ZNF782: variants seen among roughly 807,000 people sequenced by gnomAD.
The protein encoded by ZNF782 is zinc finger protein 782.
ZNF782 carries 12 observed loss-of-function variants against 13.0 expected under a neutral mutation model. That is an observed-to-expected ratio of 0.92 (90% CI 0.59 to 1.50). ZNF782 has a LOEUF of 1.50. ZNF782 is among the 40% of genes most tolerant of loss of function. ZNF782 has a pLI of 0.00. For missense variants in ZNF782, 770 were observed against 822.9 expected, an observed-to-expected ratio of 0.94 and a Z score of 0.79; for synonymous variants, 284 against 283.0, an observed-to-expected ratio of 1.00 and a Z score of -0.04.
chr9:96,865,257 C>T lies in ZNF782; in HGVS notation c.-456-3654G>A, dbSNP rs150943097. Among the ~76,000 whole-genome samples the T allele has an allele frequency of 8.6e-3, 1,313 of 152,192 alleles. 25 individuals are homozygous for T. The highest frequency in any genetic ancestry group is 0.03 in the African/African-American group (1,234 of 41,518). ...TGGTATGGTTTGGCTGTGTCCCACC[C>T]AAATCTCATCTTGAATTCCCACATG... On this transcript the variant is annotated intron_variant, in intron 1 of 5. Coordinates refer to the ZNF782 transcript ENST00000498811.
chr9:96,867,580 C>T (rs1383456961), intron 1 of ZNF782, among the ~76,000 whole-genome samples: 1 of 152,198 alleles, frequency 6.6e-6, no homozygotes, highest in Non-Finnish European at 1.5e-5. Flanking sequence ...TTTAGTCTAG[C>T]CAAGATGTCT....
chr9:96,916,419 G>A, the ZNF782 span, among the ~76,000 whole-genome samples: 2 of 151,960 alleles, frequency 1.3e-5, no homozygotes, highest in African/African-American at 2.4e-5. Flanking sequence ...GAACCTGGAA[G>A]GCGGATTTGC....
chr9:96,836,666 G>C (rs1380769649), intron 4 of ZNF782, among the ~76,000 whole-genome samples: 3 of 152,142 alleles, frequency 2.0e-5, no homozygotes, highest in African/African-American at 4.8e-5. Context: ...TGGTTTGGGT[G>C]TGGTTCATCC....
chr9:96,854,569 G>A (rs1175562554), upstream of ZNF782: 1 of 152,270 alleles, frequency 6.6e-6, no homozygotes, highest in African/African-American at 2.4e-5. Flanking sequence ...GCTGCGCGGC[G>A]AACCAGACTC....
chr9:96,871,193 A>G (rs963599177), intron 1 of ZNF782, among the ~76,000 whole-genome samples: 2 of 152,204 alleles, frequency 1.3e-5, no homozygotes, highest in Non-Finnish European at 2.9e-5. Context: ...TAGCTTTAAC[A>G]TAGTATGCTT....
At chr9:96,917,472 C>G in the ZNF782 span, among the ~76,000 whole-genome samples, 3 of 151,574 alleles carry the variant, frequency 2.0e-5, no homozygotes, top group African/African-American at 7.3e-5. Flanking sequence ...AGCTCTGTGA[C>G]CTGGGCTGGA....
In ZNF782 at chr9:96,833,885, G is replaced by A. The variant is rs544749674; in HGVS notation, c.143-6704C>T. On this transcript the variant is annotated intron_variant, in intron 4 of 5. Transcript: ENST00000481138. ...ACTTTGGGTTATGAACCAATACTAT[G>A]TTGTTTATTTTATTACTCAAACTGT... Among the ~76,000 whole-genome samples, 27 of 152,232 alleles carry A rather than the reference G, an allele frequency of 1.8e-4. 1 individual carries two copies. The highest frequency in any genetic ancestry group is 6.8e-3 in the Middle Eastern group (2 of 294).
At chr9:96,842,271 C>G (rs1350597021) in intron 4 of ZNF782, among the ~76,000 whole-genome samples, 1 of 151,854 alleles carries the variant, frequency 6.6e-6, no homozygotes, top group Non-Finnish European at 1.5e-5. Context: ...TTAACTGTCA[C>G]AAAATTGATA....
Position 96,818,817 on chromosome 9 carries a change from G to A in ZNF782, c.1206C>T (p.Ala402=). 1 of 1,606,172 alleles carries A rather than the reference G, an allele frequency of 6.2e-7. No homozygotes were observed. The highest frequency in any genetic ancestry group is 8.5e-7 in the Non-Finnish European group (1 of 1,177,468). The change falls in exon 6 of 6, where the codon GCC becomes GCT. Residue 402 remains alanine, a synonymous_variant. Transcript: ENST00000481138. The part of the protein sequence containing the change: ...KPYECPECGK[A]FSEKSRLRKH... ...TTCTTAGGCGTGACTTCTCACTGAA[G>A]GCTTTCCCGCACTCAGGACATTCAT...
At chr9:96,868,991 G>A (rs140723536) in intron 1 of ZNF782, among the ~76,000 whole-genome samples, 4 of 152,018 alleles carry the variant, frequency 2.6e-5, no homozygotes, top group African/African-American at 4.8e-5. Flanking sequence ...TGACCTTTGC[G>A]CCTTGGCACA....
chr9:96,880,042 T>G (rs1851943995), upstream of ZNF782, among the ~76,000 whole-genome samples: 1 of 151,780 alleles, frequency 6.6e-6, no homozygotes, highest in African/African-American at 2.4e-5. Context: ...GGAGCTTTTT[T>G]GGAGCAACTG....
the ZNF782 span, among the ~76,000 whole-genome samples, chr9:96,911,166 G>GC: frequency 1.4e-5 from 2 of 145,698 alleles, no homozygotes; most frequent in African/African-American, 5.0e-5. Context: ...AGGGCCAGGC[G>GC]CGGTGGCTCA....
Position 96,867,200 on chromosome 9 carries a change from C to A in ZNF782, c.-456-5597G>T, listed in dbSNP as rs140625751. ...CACACCCAAATCTCATCTTGAATTT[C>A]CACGTGTTGTGGGAGGGACCTGGTG... On this transcript the variant is annotated intron_variant, in intron 1 of 5. Coordinates refer to the ZNF782 transcript ENST00000498811. Among the ~76,000 whole-genome samples the A allele has an allele frequency of 3.8e-3, 573 of 152,188 alleles. 7 individuals carry two copies. Among genetic ancestry groups the A allele is most frequent in the African/African-American group, 0.013 (540 of 41,520 alleles).
the ZNF782 span, among the ~76,000 whole-genome samples, chr9:96,902,163 G>A: frequency 4.6e-5 from 7 of 152,224 alleles, no homozygotes; most frequent in Non-Finnish European, 7.4e-5. Context: ...GCCGAGCGCA[G>A]TGGCTCACAC....
chr9:96,881,379 AATATAAACAT>A, the ZNF782 span, among the ~76,000 whole-genome samples: 1 of 152,010 alleles, frequency 6.6e-6, no homozygotes, highest in Non-Finnish European at 1.5e-5. Flanking sequence ...TTCCTTTTCT[AATATAAACAT>A]TTAATGTTCT....
At chr9:96,855,057 C>T (rs1851621809), upstream of ZNF782, among the ~76,000 whole-genome samples, 1 of 152,198 alleles carries the variant, frequency 6.6e-6, no homozygotes, top group Non-Finnish European at 1.5e-5. Context: ...GACCTGTGAG[C>T]CCTGTCCTGG....
At chr9:96,925,242 G>A in the ZNF782 span, among the ~76,000 whole-genome samples, 1 of 152,038 alleles carries the variant, frequency 6.6e-6, no homozygotes, top group Non-Finnish European at 1.5e-5. Flanking sequence ...CCCTGGGAGG[G>A]CCCCGCAGGA....
At chr9:96,821,458 T>A (rs935151712) in intron 5 of ZNF782, among the ~76,000 whole-genome samples, 1 of 152,180 alleles carries the variant, frequency 6.6e-6, no homozygotes. Context: ...CCCACAAATA[T>A]AAGGAACATT....
chr9:96,828,542 T>C (rs1211685610), intron 4 of ZNF782, among the ~76,000 whole-genome samples: 4 of 152,142 alleles, frequency 2.6e-5, no homozygotes, highest in Non-Finnish European at 2.9e-5. Flanking sequence ...AAATAAGAAA[T>C]GGCCCATATG....
Sources: allele counts gnomAD v4.1 joint callset (sites outside exome capture counted in the v4.1 genomes callset), GRCh38; gene constraint gnomAD v4.1.1; transcripts MANE v1.5; gene names NCBI Gene and HGNC (gene_info 2026-07-23, HGNC 2026-07-21).